The following GNAQ variants were observed in gnomAD, a reference collection of about 807,000 sequenced individuals.
GNAQ encodes G protein subunit alpha q, also known as guanine nucleotide-binding protein G(q) subunit alpha.
Under a neutral mutation model 43.9 loss-of-function variants are expected in GNAQ, and 8 were observed. The observed-to-expected ratio is 0.18, with a 90% CI of 0.11 to 0.33. The LOEUF (loss-of-function observed/expected upper bound fraction) is 0.33, where lower values mean the gene tolerates loss of function less well. Among genes scored for constraint, GNAQ ranks in the 10% least tolerant of loss-of-function variants. The pLI is 1.00. For synonymous variants in GNAQ, 155 were observed against 170.7 expected (o/e 0.91, Z 0.71); for missense variants, 158 against 450.8 (o/e 0.35, Z 5.88).
intron 1 of GNAQ, among the ~76,000 whole-genome samples, chr9:78,029,458 A>G (rs563811698): frequency 1.5e-4 from 22 of 148,254 alleles, no homozygotes; most frequent in South Asian, 1.2e-3. Flanking sequence ...AAGTAGCTCA[A>G]AATGAGAATT....
intron 1 of GNAQ, among the ~76,000 whole-genome samples, chr9:77,927,291 C>G (rs1276739193): frequency 6.6e-6 from 1 of 152,104 alleles, no homozygotes; most frequent in Non-Finnish European, 1.5e-5. Flanking sequence ...ATCATATGTA[C>G]CTTCTTAATG....
intron 1 of GNAQ, among the ~76,000 whole-genome samples, chr9:77,968,162 A>T (rs1823192862): frequency 6.6e-6 from 1 of 152,200 alleles, no homozygotes; most frequent in Non-Finnish European, 1.5e-5. Context: ...AAAACCACTG[A>T]GTATACTTAA....
chr9:78,012,678 A>G (rs780715202), intron 1 of GNAQ, among the ~76,000 whole-genome samples: 38 of 152,196 alleles, frequency 2.5e-4, no homozygotes, highest in Non-Finnish European at 5.3e-4. Flanking sequence ...TAAACACAGA[A>G]CTAATGCTAA....
chr9:77,823,208 G>A (rs1280808572), intron 2 of GNAQ, among the ~76,000 whole-genome samples: 1 of 152,070 alleles, frequency 6.6e-6, no homozygotes, highest in Non-Finnish European at 1.5e-5. Context: ...CAAAGTGCTG[G>A]GATTACAGGC....
intron 3 of GNAQ, among the ~76,000 whole-genome samples, chr9:77,804,882 T>C (rs1238026334): frequency 6.6e-6 from 1 of 152,140 alleles, no homozygotes; most frequent in Non-Finnish European, 1.5e-5. Context: ...GTCGACTTCA[T>C]TTAAAAAAAT....
At chr9:77,899,841 C>T (rs771813399) in intron 2 of GNAQ, among the ~76,000 whole-genome samples, 5 of 152,134 alleles carry the variant, frequency 3.3e-5, no homozygotes, top group African/African-American at 4.8e-5. Flanking sequence ...ATCAAATGCA[C>T]GGAACTGTGC....
intron 5 of GNAQ, among the ~76,000 whole-genome samples, chr9:77,762,229 G>A (rs1293334540): frequency 1.1e-4 from 14 of 125,836 alleles, no homozygotes; most frequent in East Asian, 2.8e-4. Context: ...CCGGCCAGCC[G>A]CCCCTTCCGG....
chr9:77,946,741 T>C (rs1822904978), intron 1 of GNAQ, among the ~76,000 whole-genome samples: 1 of 152,360 alleles, frequency 6.6e-6, no homozygotes, highest in African/African-American at 2.4e-5. Context: ...GCTATACGGA[T>C]CAACAGTAAC....
intron 6 of GNAQ, among the ~76,000 whole-genome samples, chr9:77,727,617 GT>G (rs1825418236): frequency 6.6e-6 from 1 of 152,096 alleles, no homozygotes; most frequent in South Asian, 2.1e-4. Context: ...GGGCTATGAA[GT>G]TTCAAAAAAG....
At chr9:77,890,303 G>C (rs10869983) in intron 2 of GNAQ, among the ~76,000 whole-genome samples, 2 of 151,974 alleles carry the variant, frequency 1.3e-5, no homozygotes, top group East Asian at 1.9e-4. Context: ...ATAATTTATC[G>C]AAGCCATCTG....
At chr9:77,790,925 A>T (rs1826561110) in intron 5 of GNAQ, among the ~76,000 whole-genome samples, 1 of 152,220 alleles carries the variant, frequency 6.6e-6, no homozygotes, top group Non-Finnish European at 1.5e-5. Flanking sequence ...TTTTGGGTAT[A>T]AAGTGCTAAG....
At chr9:77,900,900 T>C (rs1187193820) in intron 2 of GNAQ, among the ~76,000 whole-genome samples, 1 of 152,144 alleles carries the variant, frequency 6.6e-6, no homozygotes, top group Non-Finnish European at 1.5e-5. Context: ...GTGTCCTGCT[T>C]CTCCATTTCT....
At chr9:77,833,327 C>A (rs996701575) in intron 2 of GNAQ, among the ~76,000 whole-genome samples, 6 of 152,210 alleles carry the variant, frequency 3.9e-5, no homozygotes, top group Admixed American at 6.5e-5. Context: ...GGTAGTAGCA[C>A]CTCTCTCCCT....
At chr9:77,802,967 CAT>C (rs989672669) in intron 3 of GNAQ, among the ~76,000 whole-genome samples, 16 of 152,068 alleles carry the variant, frequency 1.1e-4, no homozygotes, top group African/African-American at 1.4e-4. Flanking sequence ...TATTCTTCCA[CAT>C]GTTTGCCCAG....
chr9:77,934,802 A>G (rs1308234205), intron 1 of GNAQ, among the ~76,000 whole-genome samples: 1 of 152,218 alleles, frequency 6.6e-6, no homozygotes, highest in African/African-American at 2.4e-5. Flanking sequence ...TTAGAAGTCC[A>G]CTGTTCATGT....
At chr9:77,792,955 C>A (rs1169753317) in intron 5 of GNAQ, among the ~76,000 whole-genome samples, 2 of 151,860 alleles carry the variant, frequency 1.3e-5, no homozygotes, top group Admixed American at 1.3e-4. Context: ...TGATTTTTTT[C>A]CCCATTTTTG....
At chr9:77,997,004 C>T (rs984958224) in intron 1 of GNAQ, among the ~76,000 whole-genome samples, 1 of 152,198 alleles carries the variant, frequency 6.6e-6, no homozygotes, top group African/African-American at 2.4e-5. Flanking sequence ...TACGTATTAT[C>T]TCATTTATTC....
At chr9:78,022,695 T>C (rs1329493579) in intron 1 of GNAQ, among the ~76,000 whole-genome samples, 1 of 152,210 alleles carries the variant, frequency 6.6e-6, no homozygotes, top group East Asian at 1.9e-4. Flanking sequence ...CATCTTGTAT[T>C]ATTAGAACAA....
intron 1 of GNAQ, among the ~76,000 whole-genome samples, chr9:77,997,342 G>C (rs1823582277): frequency 6.6e-6 from 1 of 152,140 alleles, no homozygotes; most frequent in African/African-American, 2.4e-5. Context: ...CAGCATGCCT[G>C]CCCTCCCACC....
Sources: gnomAD v4.1 joint callset for allele counts (sites outside exome capture counted in the v4.1 genomes callset) on GRCh38, gnomAD v4.1.1 for gene constraint, MANE v1.5 for transcripts, NCBI Gene and HGNC (gene_info 2026-07-23, HGNC 2026-07-21) for gene names.